NOA1: variants seen among roughly 807,000 people sequenced by gnomAD.
The protein encoded by NOA1 is nitric oxide-associated protein 1.
NOA1 carries 35 observed loss-of-function variants against 58.4 expected under a neutral mutation model. The observed-to-expected ratio is 0.60, with a 90% confidence interval of 0.46 to 0.79. NOA1 has a LOEUF of 0.79. NOA1 is among the 30% of genes least tolerant of loss of function. NOA1 has a pLI of 0.00. For synonymous variants in NOA1, 397 were observed against 373.4 expected (o/e 1.06, Z -0.73); for missense variants, 895 against 894.6 (o/e 1.00, Z -0.01).
chr4:56,971,871 A>C (rs1721816772), intron 3 of NOA1, among the ~76,000 whole-genome samples: 1 of 151,844 alleles, frequency 6.6e-6, no homozygotes, highest in South Asian at 2.1e-4. Context: ...GGGACAAGAC[A>C]GGTGGAGTTA....
chr4:56,966,672 A>G lies in NOA1; in HGVS notation c.1712T>C (p.Leu571Ser). Residue 571 changes from leucine (L) to serine (S), a missense_variant, in exon 5 of 7, where the codon TTG (leucine) becomes TCG (serine). Transcript: ENST00000264230. ...CTGATACAGAGCGTCTGCCCTGTCC[A>G]AGGAGGTGATATGCACAGGGAGGAT... The part of the protein sequence containing the change: ...SNILPVHITS[L>S]DRADALYQKH... 6.2e-7 allele frequency: 1 copy of G among 1,614,046 alleles called. No homozygotes were observed. Among genetic ancestry groups the G allele is most frequent in the Non-Finnish European group, 8.5e-7 (1 of 1,179,894 alleles).
In NOA1 at chr4:56,977,125, C is replaced by G. The variant is rs11553076; in HGVS notation, c.461G>C (p.Gly154Ala). 4.4e-3 allele frequency: 6,860 copies of G among 1,555,542 alleles called. 275 individuals are homozygous for G. In the African/African-American group the frequency reaches 0.082, roughly 19 times the overall value. Residue 154 changes from glycine (G) to alanine (A), a missense_variant, in exon 1 of 7, where the codon GGA becomes GCA. Around this residue, in one of 3 missense-constraint regions of NOA1, gnomAD observed 680 missense variants for 656.5 expected, o/e 1.04. Coordinates refer to ENST00000264230, the MANE Select transcript of NOA1 (RefSeq NM_032313.4). Reference sequence around the variant, plus strand: ...CTCTCGGGGCAGGTAGCCGGGCACTCCGGCGTCCTGGCAGTGCAGCTCTGC... The same window carrying G: ...CTCTCGGGGCAGGTAGCCGGGCACTGCGGCGTCCTGGCAGTGCAGCTCTGC... ...CGAELHCQDA[G>A]VPGYLPREKF...
In NOA1 at chr4:56,976,951, GGCC is replaced by G. The variant is rs1560466235; in HGVS notation, c.632_634del (p.Arg211del). On this transcript the variant is annotated inframe_deletion, in exon 1 of 7. Transcript: ENST00000264230. The stretch of plus-strand genomic sequence containing the variant: ...CATGTAGAGCACCAGGGAGGGGCCG[GGCC>G]GCCGCAACGCGGCGCTCACCAGCTC... 1.2e-6 allele frequency: 2 copies of G among 1,603,304 alleles called. No homozygotes were observed. Among genetic ancestry groups the G allele is most frequent in the African/African-American group, 2.7e-5 (2 of 74,910 alleles).
At chr4:56,973,714 C>A (rs561736688) in intron 2 of NOA1, 144 bp downstream of exon 2, 3 of 778,760 alleles carry the variant, frequency 3.9e-6, no homozygotes, top group African/African-American at 3.5e-5. Flanking sequence ...GTAGCCTTAT[C>A]GCTAAAGGGC....
rs1457560575 is a variant in NOA1, at chr4:56,975,558, A to T, written c.1144+884T>A. ...AGAGTTCCAGACCAGCCTGGCCAAC[A>T]AGGTGAAACCCCATCTCTACTGAAA... On this transcript the variant is annotated intron_variant, in intron 1 of 6. Transcript: ENST00000264230. Among the ~76,000 whole-genome samples the T allele has an allele frequency of 2.6e-5, 4 of 151,310 alleles. No individual in the cohort carries two copies. In the East Asian group the frequency reaches 8.0e-4, roughly 30 times the overall value.
At chr4:56,972,413 T>A (rs1344325022) in intron 3 of NOA1, among the ~76,000 whole-genome samples, 8 of 151,966 alleles carry the variant, frequency 5.3e-5, no homozygotes, top group Non-Finnish European at 7.4e-5. Flanking sequence ...GAGGGATAGG[T>A]GAAGAAGAGA....
intron 4 of NOA1, among the ~76,000 whole-genome samples, chr4:56,967,891 G>A (rs1455876962): frequency 6.6e-6 from 1 of 150,930 alleles, no homozygotes; most frequent in Non-Finnish European, 1.5e-5. Flanking sequence ...TTGGGGGGAT[G>A]AGGGAGTAGG....
At position 56,977,013 on chromosome 4, in the gene NOA1, A is replaced by G; in HGVS notation, c.573T>C (p.Ala191=). 6.3e-7 allele frequency: 1 copy of G among 1,592,090 alleles called. No individual in the cohort carries two copies. The highest frequency in any genetic ancestry group is 8.5e-7 in the Non-Finnish European group (1 of 1,174,242). ...RCWLLSHHRR[A]LRLQVSREQY... ...GCTCGCGGCTCACCTGCAGGCGTAG[A>G]GCGCGCCGGTGGTGCGACAGCAGCC... Residue 191 remains alanine (A), a synonymous_variant, in exon 1 of 7, where the codon GCT becomes GCC. Transcript: ENST00000264230.
chr4:56,977,512 T>C lies in NOA1; in HGVS notation c.74A>G (p.His25Arg). Residue 25 changes from histidine to arginine, a missense_variant, in exon 1 of 7, where the codon CAT becomes CGT. Transcript: ENST00000264230. ...LRGSAPTAAR[H>R]GLREPLLERR... ...CTCCAGGAGCGGCTCCCGGAGGCCA[T>C]GGCGCGCTGCCGTGGGAGCGGATCC... 1 of 1,613,258 alleles carries C rather than the reference T, an allele frequency of 6.2e-7. No individual in the cohort carries two copies. The highest frequency in any genetic ancestry group is 8.5e-7 in the Non-Finnish European group (1 of 1,179,826).
chr4:56,976,033 T>A (rs1355446809), intron 1 of NOA1, among the ~76,000 whole-genome samples: 1 of 152,000 alleles, frequency 6.6e-6, no homozygotes, highest in East Asian at 1.9e-4. Flanking sequence ...GGCGACAGAG[T>A]GAGACTCTGT....
intron 4 of NOA1, among the ~76,000 whole-genome samples, chr4:56,967,155 G>A (rs1332456098): frequency 2.0e-5 from 3 of 152,052 alleles, no homozygotes; most frequent in Non-Finnish European, 4.4e-5. Context: ...GCCGAGGTGG[G>A]TGAATCCCTT....
At chr4:56,965,621 G>A (rs1217673534) in intron 5 of NOA1, among the ~76,000 whole-genome samples, 2 of 150,760 alleles carry the variant, frequency 1.3e-5, no homozygotes, top group African/African-American at 2.4e-5. Flanking sequence ...ATTTTCGGTC[G>A]CCACAGGTAC....
At chr4:56,966,540 C>A in intron 5 of NOA1, 80 bp downstream of exon 5, 1 of 828,900 alleles carries the variant, frequency 1.2e-6, no homozygotes, top group Non-Finnish European at 2.0e-6. Context: ...TTCTGTACAA[C>A]AAAGGCTTTC....
chr4:56,965,916 A>G (rs1237929051), intron 5 of NOA1, among the ~76,000 whole-genome samples: 1 of 144,292 alleles, frequency 6.9e-6, no homozygotes, highest in Non-Finnish European at 1.5e-5. Flanking sequence ...GGCTCACCAC[A>G]GCCTCATACT....
chr4:56,965,731 G>A (rs982540107), intron 5 of NOA1, among the ~76,000 whole-genome samples: 24 of 137,284 alleles, frequency 1.7e-4, no homozygotes, highest in African/African-American at 6.2e-4. Flanking sequence ...TGTGTGTATT[G>A]GTGATGAGGC....
rs1486556574 is a variant in NOA1, at chr4:56,977,293, T to G, written c.293A>C (p.Gln98Pro). Residue 98 changes from glutamine to proline, a missense_variant, in exon 1 of 7, where the codon CAG becomes CCG. Gln to Pro is a moderately conservative substitution (Grantham distance 76, BLOSUM62 -1). This residue lies in a region of NOA1 where 680 missense variants were observed against 656.5 expected (regional missense o/e 1.04). Coordinates refer to ENST00000264230, the MANE Select transcript of NOA1 (RefSeq NM_032313.4). ...EKQLQELQQQ[Q>P]EEEERQRQQR... ...CTGCCTCTGTCGCTCCTCCTCCTCC[T>G]GCTGTTGCTGGAGCTCCTGCAGCTG... 2.5e-6 allele frequency: 4 copies of G among 1,613,982 alleles called. No individual in the cohort carries two copies. The highest frequency in any genetic ancestry group is 3.4e-6 in the Non-Finnish European group (4 of 1,179,972).
chr4:56,966,643 G>T lies in NOA1; in HGVS notation c.1741C>A (p.His581Asn). 6.2e-7 allele frequency: 1 copy of T among 1,611,724 alleles called. No individual in the cohort carries two copies. The stretch of plus-strand genomic sequence containing the variant: ...ACCTGGAGTAACGTATGACCTGCAT[G>T]CTTCTGATACAGAGCGTCTGCCCTG... ...LDRADALYQK[H>N]AGHTLLQIPM... The change falls in exon 5 of 7, where the codon CAT becomes AAT. Residue 581 changes from histidine (H) to asparagine (N), a missense_variant. His to Asn is a moderately conservative substitution (Grantham distance 68). Transcript: ENST00000264230.
At chr4:56,964,655 G>T in intron 5 of NOA1, 129 bp from the exon 6 acceptor site, 1 of 1,058,112 alleles carries the variant, frequency 9.5e-7, no homozygotes, top group Non-Finnish European at 1.4e-6. Flanking sequence ...TTCAACTGTT[G>T]AAAAGAACTT....
In NOA1 at chr4:56,966,712, C is replaced by A; in HGVS notation, c.1672G>T (p.Val558Phe). The change falls in exon 5 of 7, where the codon GTC becomes TTC. Residue 558 changes from valine (V) to phenylalanine (F), a missense_variant. Physicochemically the swap from Val to Phe is conservative, Grantham distance 50. Coordinates refer to ENST00000264230, the MANE Select transcript of NOA1 (RefSeq NM_032313.4). ...LQGNQSAWFT[V>F]VASNILPVHI... is the part of the protein sequence containing the mutation. Reference sequence around the variant, plus strand: ...ACAGGGAGGATGTTGGAAGCCACGACTGTAAACCAAGCTGACTGATTTCCC... The same window carrying A: ...ACAGGGAGGATGTTGGAAGCCACGAATGTAAACCAAGCTGACTGATTTCCC... The A allele has an allele frequency of 6.2e-7, 1 of 1,613,284 alleles. No individual in the cohort carries two copies. Among genetic ancestry groups the A allele is most frequent in the Non-Finnish European group, 8.5e-7 (1 of 1,179,320 alleles).
Sources: allele counts gnomAD v4.1 joint callset (sites outside exome capture counted in the v4.1 genomes callset), GRCh38; gene constraint gnomAD v4.1.1; regional missense constraint gnomAD v4.1.1; transcripts MANE v1.5; gene names NCBI Gene and HGNC (gene_info 2026-07-23, HGNC 2026-07-21).